Variants in TCF23 observed in about 807,000 individuals in gnomAD.
TCF23 encodes the protein transcription factor 23.
Under a neutral mutation model 13.0 loss-of-function variants are expected in TCF23, and 7 were observed. The observed-to-expected ratio is 0.54, with a 90% CI of 0.31 to 1.01. TCF23 has a LOEUF of 1.01. Ranked by LOEUF, TCF23 falls within the 50% of genes least tolerant of loss-of-function variation. The pLI, the probability that TCF23 is intolerant of heterozygous loss-of-function variation, is 0.06. For missense variants in TCF23, 257 were observed against 289.8 expected, an observed-to-expected ratio of 0.89 and a Z score of 0.82; for synonymous variants, 122 against 119.5, an observed-to-expected ratio of 1.02 and a Z score of -0.14.
Position 27,149,551 on chromosome 2 carries a change from G to T in TCF23, c.222+196G>T, listed in dbSNP as rs115215330. 3.8e-3 allele frequency among the ~76,000 whole-genome samples: 575 copies of T among 152,260 alleles called. 7 individuals carry two copies. The highest frequency in any genetic ancestry group is 0.013 in the African/African-American group (536 of 41,562). Reference sequence around the variant, plus strand: ...CAGAGCTGGTCTTAACCAGAGTGCAGCTCAGAGAGCTGCACTAACTCACTT... The same window carrying T: ...CAGAGCTGGTCTTAACCAGAGTGCATCTCAGAGAGCTGCACTAACTCACTT... On this transcript the variant is annotated intron_variant, in intron 1 of 2. Coordinates refer to ENST00000296096, the MANE Select transcript of TCF23 (RefSeq NM_175769.3).
chr2:27,152,733 T>G lies in TCF23; in HGVS notation c.511T>G (p.Ser171Ala), dbSNP rs1672779020. 1.9e-6 allele frequency: 3 copies of G among 1,614,114 alleles called. No homozygotes were observed. The highest frequency in any genetic ancestry group is 2.5e-6 in the Non-Finnish European group (3 of 1,180,018). ...TCTCTATGCTGGAGGCCTGGGGTAC[T>G]CCGATCTTGACTCCACCACAGCCAG... is the stretch of plus-strand genomic sequence containing the variant. ...SRLYAGGLGY[S>A]DLDSTTASTP... Residue 171 changes from serine to alanine, a missense_variant, in exon 3 of 3, where the codon TCC becomes GCC. Transcript: ENST00000296096.
chr2:27,151,845 TC>T (rs951567177), intron 2 of TCF23, among the ~76,000 whole-genome samples: 17 of 151,966 alleles, frequency 1.1e-4, no homozygotes, highest in Admixed American at 5.9e-4. Flanking sequence ...CTCACTTTGT[TC>T]CACAGGCTTG....
rs939003360 is a variant in TCF23 at position 27,155,399 on chromosome 2, G to C, written c.*2532G>C. On this transcript the variant is annotated 3_prime_UTR_variant, in exon 3 of 3. Coordinates refer to ENST00000296096, the MANE Select transcript of TCF23 (RefSeq NM_175769.3). ...ATGCCCTTGAGACATGTCAGGACTTGGATGCGTGAATGAACCAGAAGTAAC... is the reference window on the plus strand; with the variant it reads ...ATGCCCTTGAGACATGTCAGGACTTCGATGCGTGAATGAACCAGAAGTAAC... 1 of 152,320 alleles carries C rather than the reference G, an allele frequency of 6.6e-6. No homozygotes were observed. The highest frequency in any genetic ancestry group is 2.4e-5 in the African/African-American group (1 of 41,448). The allele number at this position is 152,320 out of a possible 1,614,324, so 9.4% of individuals were successfully genotyped here.
intron 1 of TCF23, chr2:27,149,819 G>A: frequency 1.5e-6 from 1 of 673,952 alleles, no homozygotes; most frequent in East Asian, 3.0e-5. Context: ...GATTCAGATT[G>A]GGCATGGGAC....
At position 27,150,020 on chromosome 2, in the gene TCF23, G is replaced by A; in HGVS notation, c.223-103G>A. On this transcript the variant is annotated intron_variant, in intron 1 of 2. Coordinates refer to ENST00000296096, the MANE Select transcript of TCF23 (RefSeq NM_175769.3). The surrounding 1 kb of genome is among the most constrained non-coding windows in gnomAD (Gnocchi z 4.1). ...AGAGGCCCTCTGGTGCCTACTGCTA[G>A]ACACCCTTCTACTCTGGTGGGAGAC... 1 of 1,519,566 alleles carries A rather than the reference G, an allele frequency of 6.6e-7. No homozygotes were observed. Among genetic ancestry groups the A allele is most frequent in the South Asian group, 1.3e-5 (1 of 79,070 alleles). 94.1% of individuals were successfully genotyped at this position (1,519,566 alleles called of 1,614,324 possible).
At position 27,149,311 on chromosome 2, in the gene TCF23, C is replaced by G; in HGVS notation, c.178C>G (p.Pro60Ala). The G allele has an allele frequency of 6.3e-7, 1 of 1,595,034 alleles. No homozygotes were observed. Among genetic ancestry groups the G allele is most frequent in the Non-Finnish European group, 8.5e-7 (1 of 1,171,074 alleles). Residue 60 changes from proline to alanine, a missense_variant, in exon 1 of 3, where the codon CCT (proline) becomes GCT (alanine). Pro to Ala is a conservative substitution (Grantham distance 27, BLOSUM62 -1). Coordinates refer to ENST00000296096, the MANE Select transcript of TCF23 (RefSeq NM_175769.3). ...CAACCAGAGATGGAGCAGAGCTACC[C>G]CTGGCCCTCGAGGGACCAGGGCTGG... ...WSNQRWSRAT[P>A]GPRGTRAGGL... is the part of the protein sequence containing the mutation.
chr2:27,153,020 T>C lies in TCF23; in HGVS notation c.*153T>C, dbSNP rs2148430496. Reference sequence around the variant, plus strand: ...AAGAGAAGCAGTAGCACTTCTGTGATGGACAGTACCTAGAGGGGCACAGGT... The same window carrying C: ...AAGAGAAGCAGTAGCACTTCTGTGACGGACAGTACCTAGAGGGGCACAGGT... On this transcript the variant is annotated 3_prime_UTR_variant, in exon 3 of 3. Coordinates refer to ENST00000296096, the MANE Select transcript of TCF23 (RefSeq NM_175769.3). 1.4e-6 allele frequency: 2 copies of C among 1,468,970 alleles called. No individual in the cohort carries two copies. The highest frequency in any genetic ancestry group is 1.4e-5 in the South Asian group (1 of 69,940). The allele number at this position is 1,468,970 out of a possible 1,614,324, so 91.0% of individuals were successfully genotyped here.
rs1229347434 is a variant in TCF23, at chr2:27,154,334, T to G, written c.*1467T>G. On this transcript the variant is annotated 3_prime_UTR_variant, in exon 3 of 3. Coordinates refer to ENST00000296096, the MANE Select transcript of TCF23 (RefSeq NM_175769.3). ...CCTTCAGAGTGGGAGGGGACGGGCA[T>G]GACCAACTAGAGTCCCAACAAGGTT... 1 of 152,188 alleles carries G rather than the reference T, an allele frequency of 6.6e-6. No individual in the cohort carries two copies. Among genetic ancestry groups the G allele is most frequent in the Non-Finnish European group, 1.5e-5 (1 of 68,030 alleles). The allele number at this position is 152,188 out of a possible 1,614,324, so 9.4% of individuals were successfully genotyped here.
At position 27,153,161 on chromosome 2, in the gene TCF23, C is replaced by A; in HGVS notation, c.*294C>A. On this transcript the variant is annotated 3_prime_UTR_variant, in exon 3 of 3. Coordinates refer to ENST00000296096, the MANE Select transcript of TCF23 (RefSeq NM_175769.3). ...TGGGCTCAAAGTTGAGGTAGGGAAC[C>A]ACCCTAGCTTTCTTCCCCTAAGGTT... The A allele has an allele frequency of 2.4e-6, 1 of 414,230 alleles. No homozygotes were observed. The highest frequency in any genetic ancestry group is 3.8e-6 in the Non-Finnish European group (1 of 266,626). The allele number at this position is 414,230 out of a possible 1,614,324, so 25.7% of individuals were successfully genotyped here.
In TCF23 at chr2:27,149,266, TG is replaced by T; in HGVS notation, c.136del (p.Glu46LysfsTer80). The T allele has an allele frequency of 6.3e-7, 1 of 1,591,802 alleles. No homozygotes were observed. The highest frequency in any genetic ancestry group is 8.6e-7 in the Non-Finnish European group (1 of 1,169,446). ...CCTCAGCAGGACAAGGCAGGACCCG[TG>T]GGAAGAAAGAAGCTGGAGCAACCAG... ...SRLSRTRQDPWEERSWSNQRW... is the reference protein window; with the variant it reads ...SRLSRTRQDPXEERSWSNQRW... On this transcript the variant is annotated frameshift_variant, in exon 1 of 3. Transcript: ENST00000296096. LOFTEE classifies it high-confidence loss of function.
chr2:27,149,918 A>C (rs1203983753), intron 1 of TCF23: 4 of 779,308 alleles, frequency 5.1e-6, no homozygotes, highest in Non-Finnish European at 8.2e-6. Flanking sequence ...TCCTGCAGCC[A>C]TCTGACCCCT....
In TCF23 at chr2:27,156,532, C is replaced by T. The variant is rs1257469122; in HGVS notation, c.*3665C>T. ...AGCTGGGACTACAGGCACCCGCCAA[C>T]ACGCCCGGCTAATTTTTTTTTTTTT... On this transcript the variant is annotated 3_prime_UTR_variant, in exon 3 of 3. Transcript: ENST00000296096. 1 of 151,422 alleles carries T rather than the reference C, an allele frequency of 6.6e-6. No individual in the cohort carries two copies. The highest frequency in any genetic ancestry group is 2.4e-5 in the African/African-American group (1 of 41,204). The allele number at this position is 151,422 out of a possible 1,614,324, so 9.4% of individuals were successfully genotyped here.
chr2:27,149,175 G>A lies in TCF23; in HGVS notation c.42G>A (p.Gly14=), dbSNP rs776278441. 5.2e-6 allele frequency: 8 copies of A among 1,551,308 alleles called. No homozygotes were observed. In the Middle Eastern group the frequency reaches 5.9e-4, roughly 115 times the overall value. Residue 14 remains glycine, a synonymous_variant, in exon 1 of 3, where the codon GGG becomes GGA. Transcript: ENST00000296096. ...CCAGAGGGCCACCAGCCATGCCAGG[G>A]GTGGGGCATAGCCAGACTCAGGCCA... ...RKARGPPAMP[G]VGHSQTQAKA... is the part of the protein sequence containing the mutation.
At position 27,150,502 on chromosome 2, in the gene TCF23, C is replaced by A; in HGVS notation, c.465+137C>A. The A allele has an allele frequency of 6.9e-7, 1 of 1,451,000 alleles. No homozygotes were observed. Among genetic ancestry groups the A allele is most frequent in the Non-Finnish European group, 9.3e-7 (1 of 1,072,976 alleles). The allele number at this position is 1,451,000 out of a possible 1,614,324, so 89.9% of individuals were successfully genotyped here. A position where few individuals can be genotyped will look rare whatever the true frequency, so the allele number is the denominator to read the frequency against. On this transcript the variant is annotated intron_variant, in intron 2 of 2. Transcript: ENST00000296096. This position sits in a 1 kb window ranked among gnomAD's most constrained non-coding sequence, Gnocchi z 4.1. ...CTGACGTCGGAGCCAATTTCTCCTG[C>A]TGTCTCAGAGGGAGAGGAGCCAAGG...
rs200195487 is a variant in TCF23 at position 27,152,896 on chromosome 2, T to C, written c.*29T>C. On this transcript the variant is annotated 3_prime_UTR_variant, in exon 3 of 3. Coordinates refer to ENST00000296096, the MANE Select transcript of TCF23 (RefSeq NM_175769.3). ...TCACACTCGCCCTTTTCTCCTAGACTGTGACTCATGCTTATGGGCCTGGAT... is the reference window on the plus strand; with the variant it reads ...TCACACTCGCCCTTTTCTCCTAGACCGTGACTCATGCTTATGGGCCTGGAT... 40 of 1,595,350 alleles carry C rather than the reference T, an allele frequency of 2.5e-5. No homozygotes were observed. The highest frequency in any genetic ancestry group is 3.2e-5 in the Non-Finnish European group (37 of 1,167,954).
chr2:27,151,945 T>C (rs1027829571), intron 2 of TCF23, among the ~76,000 whole-genome samples: 1 of 152,164 alleles, frequency 6.6e-6, no homozygotes, highest in African/African-American at 2.4e-5. Context: ...AATGTCATAG[T>C]TCTGAAATGT....
rs1209684690 is a variant in TCF23, at chr2:27,150,458, C to T, written c.465+93C>T. On this transcript the variant is annotated intron_variant, in intron 2 of 2. Coordinates refer to ENST00000296096, the MANE Select transcript of TCF23 (RefSeq NM_175769.3). This position sits in a 1 kb window ranked among gnomAD's most constrained non-coding sequence, Gnocchi z 4.1. ...AATGAGGGGGGACATTGGACTTGGG[C>T]CCCCTGCCCTGTGCAGAACTGACGT... is the stretch of plus-strand genomic sequence containing the variant. 11 of 1,553,526 alleles carry T rather than the reference C, an allele frequency of 7.1e-6. No homozygotes were observed. In the Admixed American group the frequency reaches 8.9e-5, roughly 13 times the overall value.
At chr2:27,149,742 G>A in intron 1 of TCF23, 1 of 601,370 alleles carries the variant, frequency 1.7e-6, no homozygotes, top group South Asian at 1.5e-5. Context: ...GCTAGGTCAA[G>A]GGTCCGCCCT....
At chr2:27,149,776 C>T (rs754959555) in intron 1 of TCF23, 19 of 627,034 alleles carry the variant, frequency 3.0e-5, no homozygotes, top group African/African-American at 2.3e-4. Flanking sequence ...TAGCTCTGAA[C>T]TCCCCCTGGC....
Sources: allele counts gnomAD v4.1 joint callset (sites outside exome capture counted in the v4.1 genomes callset), GRCh38; gene constraint gnomAD v4.1.1; non-coding constraint Gnocchi (gnomAD v3.1); transcripts MANE v1.5; gene names NCBI Gene and HGNC (gene_info 2026-07-23, HGNC 2026-07-21).